Variants in HTR1F observed in about 807,000 individuals in gnomAD.
HTR1F encodes 5-hydroxytryptamine (serotonin) receptor 1F, G protein-coupled.
In HTR1F, 17 loss-of-function variants were observed where a neutral mutation model predicts 24.0. The ratio of observed to expected loss-of-function variants is 0.71; its 90% confidence interval spans 0.48 to 1.06. The LOEUF is 1.06. Among genes scored for constraint, HTR1F ranks in the 50% least tolerant of loss-of-function variants. The pLI, the probability that HTR1F is intolerant of heterozygous loss-of-function variation, is 0.00. For synonymous variants in HTR1F, 186 were observed against 156.8 expected, an observed-to-expected ratio of 1.19 and a Z score of -1.39; for missense variants, 391 against 427.8, an observed-to-expected ratio of 0.91 and a Z score of 0.76.
intron 1 of HTR1F, among the ~76,000 whole-genome samples, chr3:87,802,214 TCC>T (rs1704004111): frequency 1.8e-5 from 1 of 56,470 alleles, no homozygotes; most frequent in Non-Finnish European, 3.0e-5. Flanking sequence ...CTTCCCTCCC[TCC>T]CTCTCTCCCT....
At chr3:87,797,668 A>T (rs1209851749) in intron 1 of HTR1F, among the ~76,000 whole-genome samples, 2 of 152,088 alleles carry the variant, frequency 1.3e-5, no homozygotes, top group African/African-American at 4.8e-5. Context: ...TGAAAAAAAA[A>T]TGTAGCTTAA....
At chr3:87,842,465 A>G (rs1387617726) in intron 2 of HTR1F, among the ~76,000 whole-genome samples, 1 of 151,808 alleles carries the variant, frequency 6.6e-6, no homozygotes, top group East Asian at 1.9e-4. Flanking sequence ...CCCGGCCAAA[A>G]CAATAGTTTT....
At chr3:87,811,764 C>T (rs1198435307) in intron 1 of HTR1F, among the ~76,000 whole-genome samples, 1 of 152,130 alleles carries the variant, frequency 6.6e-6, no homozygotes, top group Non-Finnish European at 1.5e-5. Context: ...CAGTGATTCT[C>T]ATGAGCCGGT....
intron 2 of HTR1F, among the ~76,000 whole-genome samples, chr3:87,852,877 A>G (rs1027805276): frequency 4.6e-5 from 7 of 151,782 alleles, no homozygotes; most frequent in African/African-American, 1.7e-4. Flanking sequence ...TCAAAAAATC[A>G]GAATATTTCA....
rs188722690 is a variant in HTR1F, at chr3:87,872,672, G to A, written c.-43+50548G>A. Among the ~76,000 whole-genome samples, 10 of 152,050 alleles carry A rather than the reference G, an allele frequency of 6.6e-5. 1 individual carries two copies. Among genetic ancestry groups the A allele is most frequent in the Admixed American group, 5.9e-4 (9 of 15,250 alleles). The stretch of plus-strand genomic sequence containing the variant: ...AGAGACTACTATGAACAATTACATT[G>A]CCAACAAATTGGATAGCCTAGAAGA... On this transcript the variant is annotated intron_variant, in intron 2 of 2. Transcript: ENST00000319595.
At chr3:87,805,362 T>C (rs1297586473) in intron 1 of HTR1F, among the ~76,000 whole-genome samples, 5 of 152,130 alleles carry the variant, frequency 3.3e-5, no homozygotes, top group Non-Finnish European at 7.4e-5. Context: ...GACTGGATTT[T>C]CCACAGGGAA....
chr3:87,864,922 G>T (rs2107238166), intron 2 of HTR1F, among the ~76,000 whole-genome samples: 1 of 150,332 alleles, frequency 6.7e-6, no homozygotes, highest in African/African-American at 2.4e-5. Context: ...GAAAAGAAAA[G>T]AAAAGAAAAG....
intron 2 of HTR1F, among the ~76,000 whole-genome samples, chr3:87,940,231 G>T (rs1704535909): frequency 6.6e-6 from 1 of 152,180 alleles, no homozygotes; most frequent in Admixed American, 6.6e-5. Context: ...CTGCGAGACT[G>T]TTTGTTATGA....
intron 2 of HTR1F, among the ~76,000 whole-genome samples, chr3:87,927,213 C>T (rs371708876): frequency 6.6e-6 from 1 of 151,964 alleles, no homozygotes; most frequent in Admixed American, 6.6e-5. Context: ...ACAATAAGTG[C>T]CTGAAAAATA....
At chr3:87,913,607 T>C (rs1703827678) in intron 2 of HTR1F, among the ~76,000 whole-genome samples, 1 of 152,144 alleles carries the variant, frequency 6.6e-6, no homozygotes, top group South Asian at 2.1e-4. Flanking sequence ...TATAAATTGT[T>C]CTGTTATAAA....
intron 1 of HTR1F, among the ~76,000 whole-genome samples, chr3:87,814,545 G>T (rs750325305): frequency 5.3e-5 from 8 of 151,978 alleles, no homozygotes; most frequent in Non-Finnish European, 1.2e-4. Flanking sequence ...CCAGCCCCTG[G>T]TAACCAACAT....
At chr3:87,922,209 A>C (rs1321971507) in intron 2 of HTR1F, among the ~76,000 whole-genome samples, 3 of 151,946 alleles carry the variant, frequency 2.0e-5, no homozygotes, top group Non-Finnish European at 4.4e-5. Context: ...TTTTTTGTAT[A>C]ATAGCCATTC....
chr3:87,858,111 T>C (rs1008136180), intron 2 of HTR1F, among the ~76,000 whole-genome samples: 1 of 152,182 alleles, frequency 6.6e-6, no homozygotes, highest in African/African-American at 2.4e-5. Context: ...ACTCAGGCCC[T>C]GGTCTAATTA....
At chr3:87,964,117 C>T (rs749327449) in intron 2 of HTR1F, among the ~76,000 whole-genome samples, 26 of 152,118 alleles carry the variant, frequency 1.7e-4, no homozygotes, top group Non-Finnish European at 3.4e-4. Context: ...AAATTGGCTG[C>T]CGGGTGCTTT....
intron 2 of HTR1F, among the ~76,000 whole-genome samples, chr3:87,972,881 TA>T: frequency 6.6e-6 from 1 of 151,794 alleles, no homozygotes; most frequent in Non-Finnish European, 1.5e-5. Context: ...TGCTTAATAA[TA>T]ATACCTGGCC....
intron 2 of HTR1F, among the ~76,000 whole-genome samples, chr3:87,895,264 T>G (rs529267957): frequency 1.6e-3 from 239 of 152,284 alleles, no homozygotes; most frequent in Non-Finnish European, 1.4e-3. Flanking sequence ...TATGTATATA[T>G]ACACTTTATA....
At chr3:87,882,310 G>T (rs1705822474) in intron 2 of HTR1F, among the ~76,000 whole-genome samples, 1 of 152,116 alleles carries the variant, frequency 6.6e-6, no homozygotes, top group Non-Finnish European at 1.5e-5. Flanking sequence ...GATTCCTCAG[G>T]GATCTAGAAC....
intron 1 of HTR1F, among the ~76,000 whole-genome samples, chr3:87,802,350 CT>C (rs1331292410): frequency 1.6e-5 from 2 of 125,512 alleles, no homozygotes; most frequent in African/African-American, 2.9e-5. Context: ...TCTCTTTCTT[CT>C]TTTTTTTGAG....
chr3:87,950,150 T>G (rs1704801323), intron 2 of HTR1F, among the ~76,000 whole-genome samples: 1 of 152,172 alleles, frequency 6.6e-6, no homozygotes, highest in South Asian at 2.1e-4. Context: ...AAGCAAGAAC[T>G]CTTTCACTAC....
Sources: allele counts gnomAD v4.1 joint callset (sites outside exome capture counted in the v4.1 genomes callset), GRCh38; gene constraint gnomAD v4.1.1; transcripts MANE v1.5; gene names NCBI Gene and HGNC (gene_info 2026-07-23, HGNC 2026-07-21).